Variants in SATL1 observed in about 807,000 individuals in gnomAD.
SATL1 encodes the protein spermidine/spermine N(1)-acetyltransferase-like protein 1.
In SATL1, 47 loss-of-function variants were observed where a neutral mutation model predicts 51.8. That is an observed-to-expected ratio of 0.91 (90% CI 0.72 to 1.16). The LOEUF (loss-of-function observed/expected upper bound fraction) is 1.16, where lower values mean the gene tolerates loss of function less well. Among genes scored for constraint, SATL1 ranks in the 50% most tolerant of loss-of-function variants. The pLI is 0.00. For missense variants in SATL1, 520 were observed against 526.4 expected (o/e 0.99, Z 0.12); for synonymous variants, 176 against 182.4 (o/e 0.97, Z 0.28).
intron 2 of SATL1, among the ~76,000 whole-genome samples, chrX:85,165,950 T>C (rs1926825441): frequency 9.0e-6 from 1 of 111,050 alleles, no homozygotes. Context: ...TGGAACAGAA[T>C]AGAAAACCAA....
intron 4 of SATL1, among the ~76,000 whole-genome samples, chrX:85,100,248 A>C (rs1333924251): frequency 8.9e-6 from 1 of 112,609 alleles, no homozygotes; most frequent in Non-Finnish European, 1.9e-5. Context: ...AGAAAGGAAA[A>C]GGTAAAACTA....
At chrX:85,133,946 T>G (rs1366745876) in intron 2 of SATL1, among the ~76,000 whole-genome samples, 2 of 112,131 alleles carry the variant, frequency 1.8e-5, no homozygotes, top group East Asian at 5.6e-4. Flanking sequence ...ACATAGAAAA[T>G]ATTAAATTTC....
intron 2 of SATL1, among the ~76,000 whole-genome samples, chrX:85,175,322 G>T (rs768515269): frequency 2.4e-4 from 27 of 111,425 alleles, no homozygotes; most frequent in Non-Finnish European, 3.2e-4. Flanking sequence ...TACCTATAAA[G>T]AATTGAAACC....
At chrX:85,101,716 A>G (rs1924897539) in intron 4 of SATL1, among the ~76,000 whole-genome samples, 1 of 111,912 alleles carries the variant, frequency 8.9e-6, no homozygotes, top group Admixed American at 9.5e-5. Context: ...TCAGACAGAT[A>G]CTTGTACACC....
At chrX:85,188,923 A>G (rs1036813558) in intron 2 of SATL1, among the ~76,000 whole-genome samples, 2 of 111,765 alleles carry the variant, frequency 1.8e-5, no homozygotes, top group African/African-American at 6.5e-5. Context: ...AAGACAAAGC[A>G]TTATCTACAT....
At chrX:85,146,923 C>G (rs1439358316) in intron 2 of SATL1, among the ~76,000 whole-genome samples, 1 of 112,594 alleles carries the variant, frequency 8.9e-6, no homozygotes. Context: ...GCATTTCCAT[C>G]TGAGGTACCG....
intron 2 of SATL1, chrX:85,210,116 T>C (rs1927880966): frequency 9.3e-6 from 1 of 107,183 alleles, no homozygotes; most frequent in African/African-American, 3.4e-5. Flanking sequence ...GGTCACTACT[T>C]CCAGAGAAAC....
At chrX:85,177,097 T>C (rs2147737811) in intron 2 of SATL1, among the ~76,000 whole-genome samples, 1 of 111,632 alleles carries the variant, frequency 9.0e-6, no homozygotes, top group Admixed American at 9.5e-5. Context: ...CAAGGTCATA[T>C]AAAACAAAGA....
chrX:85,123,670 A>T (rs920646005), intron 2 of SATL1, among the ~76,000 whole-genome samples: 1 of 111,562 alleles, frequency 9.0e-6, no homozygotes, highest in African/African-American at 3.3e-5. Context: ...TTTAAGAAAC[A>T]GTCTTCTAAA....
intron 4 of SATL1, among the ~76,000 whole-genome samples, chrX:85,097,559 C>A (rs774274818): frequency 9.0e-5 from 10 of 111,350 alleles, no homozygotes; most frequent in Non-Finnish European, 1.7e-4. Context: ...CCAGGCTAGT[C>A]TCGAACTCCT....
At chrX:85,099,840 C>T (rs1924845483) in intron 4 of SATL1, among the ~76,000 whole-genome samples, 1 of 112,314 alleles carries the variant, frequency 8.9e-6, no homozygotes, top group African/African-American at 3.2e-5. Flanking sequence ...CAAAGATTCC[C>T]ACTTTCACCA....
intron 2 of SATL1, among the ~76,000 whole-genome samples, chrX:85,122,945 A>G (rs184865790): frequency 9.0e-6 from 1 of 111,692 alleles, no homozygotes; most frequent in Non-Finnish European, 1.9e-5. Context: ...TTTGCTTAGG[A>G]TAATGGCCTC....
At chrX:85,115,833 C>T (rs1229385576) in intron 2 of SATL1, among the ~76,000 whole-genome samples, 1 of 111,411 alleles carries the variant, frequency 9.0e-6, no homozygotes, top group Non-Finnish European at 1.9e-5. Flanking sequence ...CATGAGCGTC[C>T]TGTCCAGGAG....
At position 85,107,720 on chromosome X, in the gene SATL1, A is replaced by G; in HGVS notation, c.1249T>C (p.Trp417Arg). 1.7e-6 allele frequency: 2 copies of G among 1,209,796 alleles called. No individual in the cohort carries two copies. Among genetic ancestry groups the G allele is most frequent in the Non-Finnish European group, 2.2e-6 (2 of 894,801 alleles). Residue 417 changes from tryptophan (W) to arginine (R), a missense_variant, in exon 3 of 8, where the codon TGG becomes CGG. Physicochemically the swap from Trp to Arg is moderately radical, Grantham distance 101 (BLOSUM62 -3). Transcript: ENST00000644105. The stretch of plus-strand genomic sequence containing the variant: ...ACTGGTTGGCTCAGGCCTGTTTGCC[A>G]TGTGCCTGGTTGGCTCATGCCTATT... ...SQIGMSQPGT[W>R]QTGLSQPVPR... is the part of the protein sequence containing the mutation.
intron 2 of SATL1, among the ~76,000 whole-genome samples, chrX:85,223,638 G>T (rs1928218516): frequency 9.0e-6 from 1 of 110,988 alleles, no homozygotes; most frequent in African/African-American, 3.3e-5. Context: ...ACCCAGGCTT[G>T]CTGACTGGGA....
chrX:85,208,093 T>C (rs1019602907), intron 2 of SATL1, among the ~76,000 whole-genome samples: 6 of 109,562 alleles, frequency 5.5e-5, no homozygotes, highest in Admixed American at 9.8e-5. Flanking sequence ...TGATGTTCCC[T>C]GCCCTGTGTC....
At chrX:85,129,285 A>G (rs1375991535) in intron 2 of SATL1, among the ~76,000 whole-genome samples, 2 of 111,851 alleles carry the variant, frequency 1.8e-5, no homozygotes, top group Non-Finnish European at 3.8e-5. Flanking sequence ...ATGAGCATGG[A>G]ATGTTCTTCC....
chrX:85,147,228 A>G (rs1276237441), intron 2 of SATL1, among the ~76,000 whole-genome samples: 1 of 92,956 alleles, frequency 1.1e-5, no homozygotes, highest in Non-Finnish European at 2.3e-5. Context: ...CTAGCACAGC[A>G]GTCTGAGATC....
intron 2 of SATL1, among the ~76,000 whole-genome samples, chrX:85,140,128 C>T: frequency 9.0e-6 from 1 of 111,386 alleles, no homozygotes. Flanking sequence ...TTTAAATTAA[C>T]CCCTACTTCC....
Sources: gnomAD v4.1 joint callset for allele counts (sites outside exome capture counted in the v4.1 genomes callset) on GRCh38, gnomAD v4.1.1 for gene constraint, MANE v1.5 for transcripts, NCBI Gene and HGNC (gene_info 2026-07-23, HGNC 2026-07-21) for gene names.